GALNT13: variants seen among roughly 807,000 people sequenced by gnomAD.
GALNT13 encodes the protein UDP-GalNAc:polypeptide N-acetylgalactosaminyltransferase 13.
In GALNT13, 28 loss-of-function variants were observed where a neutral mutation model predicts 64.2. The observed-to-expected ratio is 0.44, with a 90% CI of 0.32 to 0.60. GALNT13 has a LOEUF of 0.60. Among genes scored for constraint, GALNT13 ranks in the 20% least tolerant of loss-of-function variants. The pLI, the probability that GALNT13 is intolerant of heterozygous loss-of-function variation, is 0.05. For missense variants in GALNT13, 577 were observed against 669.8 expected, an observed-to-expected ratio of 0.86 and a Z score of 1.53; for synonymous variants, 214 against 224.6, an observed-to-expected ratio of 0.95 and a Z score of 0.42.
intron 4 of GALNT13, among the ~76,000 whole-genome samples, chr2:154,202,471 T>C (rs1279540991): frequency 1.3e-5 from 2 of 152,060 alleles, no homozygotes; most frequent in African/African-American, 4.8e-5. Flanking sequence ...CTTTACAGAT[T>C]ATGATTATGA....
the GALNT13 span, among the ~76,000 whole-genome samples, chr2:153,388,188 G>A: frequency 2.0e-5 from 3 of 152,146 alleles, no homozygotes; most frequent in East Asian, 5.8e-4. Flanking sequence ...TAAAGTTGGA[G>A]CTTGAAATAT....
rs554666174 is a variant in GALNT13 at position 154,236,993 on chromosome 2, A to G, written c.312-5037A>G. Among the ~76,000 whole-genome samples the G allele has an allele frequency of 2.6e-4, 40 of 152,108 alleles. 1 individual carries two copies. Among genetic ancestry groups the G allele is most frequent in the African/African-American group, 6.7e-4 (28 of 41,540 alleles). On this transcript the variant is annotated intron_variant, in intron 4 of 12. Transcript: ENST00000392825. ...TAATTTTTCCAATTAATTTTTTTAC[A>G]ATTAATGTCATTTAAAACTTTTGAT...
chr2:153,096,176 A>C, the GALNT13 span, among the ~76,000 whole-genome samples: 2 of 152,158 alleles, frequency 1.3e-5, no homozygotes, highest in African/African-American at 4.8e-5. Context: ...ATAATTTCCA[A>C]AATTATTCAT....
intron 1 of GALNT13, among the ~76,000 whole-genome samples, chr2:153,897,629 A>G (rs1489398244): frequency 2.0e-5 from 3 of 152,088 alleles, no homozygotes; most frequent in Admixed American, 6.6e-5. Context: ...TCACACTTTC[A>G]TGCGCTGGTG....
the GALNT13 span, among the ~76,000 whole-genome samples, chr2:153,622,476 C>G: frequency 2.0e-5 from 3 of 152,106 alleles, no homozygotes; most frequent in African/African-American, 7.2e-5. Context: ...TTGAGGAAGC[C>G]TGCCCTCTGG....
intron 3 of GALNT13, among the ~76,000 whole-genome samples, chr2:154,034,808 A>G (rs1698559575): frequency 7.3e-6 from 1 of 137,546 alleles, no homozygotes; most frequent in Non-Finnish European, 1.5e-5. Context: ...GTCCATTGAA[A>G]AAATGCTCAA....
Position 154,017,686 on chromosome 2 carries a change from G to A in GALNT13, c.142+73047G>A, listed in dbSNP as rs372007002. Among the ~76,000 whole-genome samples, 9 of 152,198 alleles carry A rather than the reference G, an allele frequency of 5.9e-5. No homozygotes were observed. In the East Asian group the frequency reaches 1.5e-3, roughly 26 times the overall value. On this transcript the variant is annotated intron_variant, in intron 3 of 12. Transcript: ENST00000392825. ...TTATTCGTATCGCTCTGGCAAATGA[G>A]TAAACCCAGTTCATATCTGAAATAT...
chr2:154,330,514 T>A (rs1380761734), intron 9 of GALNT13, among the ~76,000 whole-genome samples: 2 of 152,082 alleles, frequency 1.3e-5, no homozygotes, highest in South Asian at 4.1e-4. Flanking sequence ...ACAGCTGATT[T>A]CTCTTTTCTC....
At chr2:153,478,579 G>A in the GALNT13 span, 1 of 1,541,378 alleles carries the variant, frequency 6.5e-7, no homozygotes, top group Non-Finnish European at 8.7e-7. Flanking sequence ...AGGAACGGGC[G>A]GGCGCCGCGA....
chr2:153,833,746 T>A, the GALNT13 span, among the ~76,000 whole-genome samples: 8 of 152,254 alleles, frequency 5.3e-5, no homozygotes, highest in African/African-American at 1.7e-4. Context: ...CAGATTTGGG[T>A]CATAGATTGA....
At chr2:153,560,024 A>C in the GALNT13 span, among the ~76,000 whole-genome samples, 51 of 152,174 alleles carry the variant, frequency 3.4e-4, no homozygotes, top group African/African-American at 1.2e-3. Context: ...GCTCAATTTC[A>C]TATAATTTAG....
intron 3 of GALNT13, among the ~76,000 whole-genome samples, chr2:154,020,944 T>G (rs1697425228): frequency 1.3e-5 from 2 of 152,176 alleles, no homozygotes; most frequent in Non-Finnish European, 2.9e-5. Context: ...CCAGCACCAT[T>G]TATTAAATAG....
At chr2:154,231,388 C>A (rs1688906530) in intron 4 of GALNT13, among the ~76,000 whole-genome samples, 1 of 152,042 alleles carries the variant, frequency 6.6e-6, no homozygotes, top group Non-Finnish European at 1.5e-5. Flanking sequence ...TCAAAGCACT[C>A]ACCTTAGAAG....
Position 154,037,436 on chromosome 2 carries a change from A to C in GALNT13, c.142+92797A>C, listed in dbSNP as rs140150744. The stretch of plus-strand genomic sequence containing the variant: ...GGCAAAAGTTGAAAGCATTCCCTCT[A>C]AACACTGGAACTAGACAAGGATGCC... On this transcript the variant is annotated intron_variant, in intron 3 of 12. Transcript: ENST00000392825. Among the ~76,000 whole-genome samples the C allele has an allele frequency of 6.6e-3, 1,008 of 152,254 alleles. 7 individuals are homozygous for C. The highest frequency in any genetic ancestry group is 0.022 in the African/African-American group (933 of 41,540).
chr2:153,888,922 C>A (rs1251922025), intron 1 of GALNT13, among the ~76,000 whole-genome samples: 3 of 151,928 alleles, frequency 2.0e-5, no homozygotes, highest in African/African-American at 7.2e-5. Context: ...ACACCAAGCA[C>A]CTTGGAAGTT....
the GALNT13 span, among the ~76,000 whole-genome samples, chr2:153,674,245 A>T: frequency 6.6e-6 from 1 of 152,148 alleles, no homozygotes; most frequent in Non-Finnish European, 1.5e-5. Flanking sequence ...CATTGCCAAG[A>T]CAATCCTAAG....
At chr2:153,270,838 G>T in the GALNT13 span, among the ~76,000 whole-genome samples, 1 of 152,106 alleles carries the variant, frequency 6.6e-6, no homozygotes, top group Non-Finnish European at 1.5e-5. Context: ...GTGACAGGGT[G>T]AGACCCTGTC....
intron 11 of GALNT13, among the ~76,000 whole-genome samples, chr2:154,432,989 T>A (rs1700776651): frequency 6.6e-6 from 1 of 152,114 alleles, no homozygotes; most frequent in Non-Finnish European, 1.5e-5. Flanking sequence ...TAGCTTCCAG[T>A]AAGAGGAGGA....
At chr2:153,771,374 CAGA>C in the GALNT13 span, among the ~76,000 whole-genome samples, 17 of 152,038 alleles carry the variant, frequency 1.1e-4, no homozygotes, top group Admixed American at 9.2e-4. Flanking sequence ...AGGTGTGGAG[CAGA>C]AGAAGTGCCA....
Sources: gnomAD v4.1 joint callset for allele counts (sites outside exome capture counted in the v4.1 genomes callset) on GRCh38, gnomAD v4.1.1 for gene constraint, MANE v1.5 for transcripts, NCBI Gene and HGNC (gene_info 2026-07-23, HGNC 2026-07-21) for gene names.